NTF3: variants seen among roughly 807,000 people sequenced by gnomAD.
NTF3 encodes the protein neurotrophin-3.
NTF3 carries 8 observed loss-of-function variants against 26.3 expected under a neutral mutation model. The ratio of observed to expected loss-of-function variants is 0.30; its 90% CI spans 0.18 to 0.55. The LOEUF is 0.55. Among genes scored for constraint, NTF3 ranks in the 20% least tolerant of loss-of-function variants. The pLI is 0.93. For synonymous variants in NTF3, 154 were observed against 145.5 expected (o/e 1.06, Z -0.42); for missense variants, 276 against 352.9 (o/e 0.78, Z 1.75).
At chr12:5,493,633 G>T (rs945528522) in intron 1 of NTF3, among the ~76,000 whole-genome samples, 5 of 152,090 alleles carry the variant, frequency 3.3e-5, no homozygotes, top group Admixed American at 1.3e-4. Context: ...AGAATAGACC[G>T]TTCCAGCTGC....
chr12:5,493,678 C>A (rs894041241), intron 1 of NTF3, among the ~76,000 whole-genome samples: 4 of 152,246 alleles, frequency 2.6e-5, no homozygotes, highest in Middle Eastern at 3.4e-3. Flanking sequence ...TCTGACACTG[C>A]AATATGGGGG....
At chr12:5,462,584 A>G (rs1487722556) in intron 1 of NTF3, among the ~76,000 whole-genome samples, 1 of 152,214 alleles carries the variant, frequency 6.6e-6, no homozygotes, top group African/African-American at 2.4e-5. Context: ...TGGACACATC[A>G]TGCCACACCC....
rs1325778370 is a variant in NTF3 at position 5,494,718 on chromosome 12, T to C, written c.543T>C (p.Ile181=). Residue 181 remains isoleucine (I), a synonymous_variant, in exon 2 of 2, where the codon ATT becomes ATC. Transcript: ENST00000423158. This position sits in a 1 kb window ranked among gnomAD's most constrained non-coding sequence, Gnocchi z 8.3. The stretch of plus-strand genomic sequence containing the variant: ...CCGACAAGTCATCGGCCATCGACAT[T>C]CGGGGACACCAGGTCACGGTGCTGG... ...WVTDKSSAID[I]RGHQVTVLGE... 2.5e-6 allele frequency: 4 copies of C among 1,614,110 alleles called. No individual in the cohort carries two copies.
chr12:5,466,943 G>A (rs11063694), intron 1 of NTF3, among the ~76,000 whole-genome samples: 5 of 152,058 alleles, frequency 3.3e-5, no homozygotes, highest in Admixed American at 1.3e-4. Flanking sequence ...TTAAAAAGTC[G>A]GGTGCTTGGC....
intron 1 of NTF3, among the ~76,000 whole-genome samples, chr12:5,436,279 G>A (rs561920543): frequency 1.8e-4 from 27 of 152,300 alleles, no homozygotes; most frequent in African/African-American, 5.5e-4. Flanking sequence ...AGTTACAGCT[G>A]TGCCATTTTA....
chr12:5,484,583 T>G (rs774964657), intron 1 of NTF3, among the ~76,000 whole-genome samples: 5 of 152,156 alleles, frequency 3.3e-5, no homozygotes, highest in Admixed American at 6.5e-5. Context: ...TTGATTACAT[T>G]GTAAAAGGGC....
chr12:5,485,588 T>C (rs1940857450), intron 1 of NTF3, among the ~76,000 whole-genome samples: 1 of 152,206 alleles, frequency 6.6e-6, no homozygotes, highest in Non-Finnish European at 1.5e-5. Context: ...GCTCAATAAA[T>C]GTGAGCTGTT....
intron 1 of NTF3, among the ~76,000 whole-genome samples, chr12:5,447,149 C>G (rs1183499600): frequency 2.6e-5 from 4 of 152,198 alleles, no homozygotes; most frequent in African/African-American, 4.8e-5. Flanking sequence ...CATCCCACCC[C>G]AAATATACAG....
Position 5,494,763 on chromosome 12 carries a change from C to G in NTF3, c.588C>G (p.Asn196Lys). The G allele has an allele frequency of 6.2e-7, 1 of 1,614,162 alleles. No homozygotes were observed. Among genetic ancestry groups the G allele is most frequent in the South Asian group, 1.1e-5 (1 of 91,078 alleles). ...TGCTGGGGGAGATCAAAACGGGCAA[C>G]TCTCCCGTCAAACAATATTTTTATG... ...VTVLGEIKTG[N>K]SPVKQYFYET... is the part of the protein sequence containing the mutation. Residue 196 changes from asparagine (N) to lysine (K), a missense_variant, in exon 2 of 2, where the codon AAC (asparagine) becomes AAG (lysine). By Grantham distance (94) the Asn-to-Lys change is moderately conservative. Around this residue, in one of 3 missense-constraint regions of NTF3, gnomAD observed 221 missense variants for 258.2 expected, o/e 0.86. Transcript: ENST00000423158. This position sits in a 1 kb window ranked among gnomAD's most constrained non-coding sequence, Gnocchi z 8.3.
intron 1 of NTF3, among the ~76,000 whole-genome samples, chr12:5,460,810 A>G (rs902993386): frequency 1.3e-5 from 2 of 152,220 alleles, no homozygotes; most frequent in Non-Finnish European, 2.9e-5. Context: ...ACCAGGCCCC[A>G]GAGAGCATTT....
At chr12:5,437,410 A>G (rs1940180741) in intron 1 of NTF3, among the ~76,000 whole-genome samples, 1 of 150,856 alleles carries the variant, frequency 6.6e-6, no homozygotes, top group South Asian at 2.1e-4. Context: ...CCATGTCTTC[A>G]CTTCCACTCC....
At chr12:5,438,544 C>T (rs1033318748) in intron 1 of NTF3, among the ~76,000 whole-genome samples, 2 of 151,616 alleles carry the variant, frequency 1.3e-5, no homozygotes, top group Non-Finnish European at 3.0e-5. Context: ...CCAGAGAAGA[C>T]ATTTGTTGAG....
At chr12:5,445,265 T>C (rs900822558) in intron 1 of NTF3, among the ~76,000 whole-genome samples, 8 of 45,744 alleles carry the variant, frequency 1.7e-4, no homozygotes, top group Admixed American at 1.7e-3. Context: ...GATCCACCCA[T>C]AGATGATTCC....
At chr12:5,434,562 T>G (rs1340179494) in intron 1 of NTF3, among the ~76,000 whole-genome samples, 1 of 151,098 alleles carries the variant, frequency 6.6e-6, no homozygotes, top group East Asian at 1.9e-4. Context: ...CTGGGAGGTG[T>G]GTGTTTCTGG....
intron 1 of NTF3, among the ~76,000 whole-genome samples, chr12:5,491,246 T>G (rs1022649644): frequency 6.6e-6 from 1 of 152,116 alleles, no homozygotes; most frequent in African/African-American, 2.4e-5. Flanking sequence ...TTTTGGGGAG[T>G]TCTGTTAGCA....
intron 1 of NTF3, among the ~76,000 whole-genome samples, chr12:5,451,742 G>T (rs1010616824): frequency 6.6e-6 from 1 of 152,066 alleles, no homozygotes; most frequent in African/African-American, 2.4e-5. Flanking sequence ...GTAGACTCGC[G>T]TGTGGTGGCG....
At chr12:5,486,676 C>T (rs1259063331) in intron 1 of NTF3, among the ~76,000 whole-genome samples, 2 of 152,200 alleles carry the variant, frequency 1.3e-5, no homozygotes, top group East Asian at 3.9e-4. Context: ...GTACCTTCAG[C>T]TGCCTATGTC....
intron 1 of NTF3, among the ~76,000 whole-genome samples, chr12:5,461,887 A>T (rs1565389930): frequency 6.6e-6 from 1 of 152,236 alleles, no homozygotes; most frequent in Non-Finnish European, 1.5e-5. Flanking sequence ...TTAAAAAGAA[A>T]TATGAAGAAC....
rs202026121 is a variant in NTF3 at position 5,489,070 on chromosome 12, C to T, written c.19-5124C>T. 5.9e-5 allele frequency among the ~76,000 whole-genome samples: 9 copies of T among 152,328 alleles called. No individual in the cohort carries two copies. The East Asian group carries it at 9.6e-4, about 16-fold the overall frequency. On this transcript the variant is annotated intron_variant, in intron 1 of 1. Coordinates refer to ENST00000423158, the MANE Select transcript of NTF3 (RefSeq NM_001102654.2). ...ACCCAGGATGTGAGATGGTGCACTC[C>T]GTGTTCTGTCCACTACAACACAGGG...
Sources: allele counts gnomAD v4.1 joint callset (sites outside exome capture counted in the v4.1 genomes callset), GRCh38; gene constraint gnomAD v4.1.1; regional missense constraint gnomAD v4.1.1; non-coding constraint Gnocchi (gnomAD v3.1); transcripts MANE v1.5; gene names NCBI Gene and HGNC (gene_info 2026-07-23, HGNC 2026-07-21).